Variants in GPM6A observed in about 807,000 individuals in gnomAD.
GPM6A encodes the protein glycoprotein M6A.
Under a neutral mutation model 32.1 loss-of-function variants are expected in GPM6A, and 7 were observed. The observed-to-expected ratio is 0.22, with a 90% CI of 0.12 to 0.41. The LOEUF (loss-of-function observed/expected upper bound fraction) is 0.41, where lower values mean the gene tolerates loss of function less well. Among genes scored for constraint, GPM6A ranks in the 10% least tolerant of loss-of-function variants. The pLI is 1.00. For missense variants in GPM6A, 235 were observed against 347.2 expected, an observed-to-expected ratio of 0.68 and a Z score of 2.57; for synonymous variants, 130 against 123.4, an observed-to-expected ratio of 1.05 and a Z score of -0.35.
chr4:175,864,095 A>G (rs1443758284), intron 1 of GPM6A, among the ~76,000 whole-genome samples: 4 of 152,212 alleles, frequency 2.6e-5, no homozygotes, highest in Non-Finnish European at 5.9e-5. Context: ...GTGGGTTTAC[A>G]GAGATACTCA....
chr4:175,724,013 T>A (rs1187582407), intron 1 of GPM6A, among the ~76,000 whole-genome samples: 1 of 152,160 alleles, frequency 6.6e-6, no homozygotes, highest in African/African-American at 2.4e-5. Flanking sequence ...TTCCTTCAGT[T>A]CCATGTTCAT....
At chr4:175,808,444 CTTTCA>C (rs915931305) in intron 1 of GPM6A, among the ~76,000 whole-genome samples, 5 of 152,134 alleles carry the variant, frequency 3.3e-5, no homozygotes, top group African/African-American at 1.2e-4. Context: ...GTACCCTCTC[CTTTCA>C]TTTATGTATT....
chr4:175,962,054 G>A (rs1283837584), intron 1 of GPM6A: 3 of 703,518 alleles, frequency 4.3e-6, no homozygotes, highest in Non-Finnish European at 8.0e-6. Context: ...AAATTTCTAG[G>A]GAACCAGATG....
At chr4:175,649,399 CTATT>C (rs1419533649) in intron 4 of GPM6A, among the ~76,000 whole-genome samples, 2 of 152,070 alleles carry the variant, frequency 1.3e-5, no homozygotes, top group Admixed American at 6.6e-5. Flanking sequence ...TTAAGAAGGT[CTATT>C]TATCTTTTAC....
At chr4:175,999,453 G>A (rs142783501) in intron 1 of GPM6A, among the ~76,000 whole-genome samples, 4 of 151,980 alleles carry the variant, frequency 2.6e-5, no homozygotes, top group African/African-American at 9.7e-5. Context: ...GAGAAGCCGA[G>A]GACATCAATG....
intron 1 of GPM6A, among the ~76,000 whole-genome samples, chr4:175,841,656 C>T (rs1322728243): frequency 6.6e-6 from 1 of 152,102 alleles, no homozygotes; most frequent in African/African-American, 2.4e-5. Flanking sequence ...TCAAATAAAA[C>T]ATTTTCAATA....
intron 1 of GPM6A, among the ~76,000 whole-genome samples, chr4:175,835,178 T>C (rs1273519928): frequency 2.0e-5 from 3 of 152,328 alleles, no homozygotes; most frequent in Admixed American, 2.0e-4. Flanking sequence ...ACCGTGCTTC[T>C]CCTTTGGACC....
At chr4:175,961,871 A>G (rs1740175654) in intron 1 of GPM6A, among the ~76,000 whole-genome samples, 1 of 152,190 alleles carries the variant, frequency 6.6e-6, no homozygotes, top group African/African-American at 2.4e-5. Context: ...CAGGGAAGGT[A>G]CCTGCAAAGT....
intron 6 of GPM6A, among the ~76,000 whole-genome samples, chr4:175,637,667 TATATATA>T (rs1560842655): frequency 3.8e-3 from 2 of 530 alleles, no homozygotes; most frequent in East Asian, 0.015. Flanking sequence ...AAATATATAA[TATATATA>T]ATATATATAT....
intron 1 of GPM6A, among the ~76,000 whole-genome samples, chr4:175,909,046 G>GGGGGGGGGGA: frequency 1.0e-5 from 1 of 98,582 alleles, no homozygotes; most frequent in Non-Finnish European, 1.9e-5. Context: ...AAAGGGCGGG[G>GGGGGGGGGGA]GGGGGGCAAC....
At chr4:175,788,887 A>C (rs1194189366) in intron 1 of GPM6A, among the ~76,000 whole-genome samples, 1 of 152,206 alleles carries the variant, frequency 6.6e-6, no homozygotes, top group Non-Finnish European at 1.5e-5. Flanking sequence ...AATAAATTAG[A>C]GCCATAGCTC....
In GPM6A at chr4:175,795,632, G is replaced by A. The variant is rs186382468; in HGVS notation, c.37+16559C>T. ...CTGGGCATGGTGGGACACACCTGTG[G>A]TCCCAGCTGGGAGGAGGCAGAGGTG... On this transcript the variant is annotated intron_variant, in intron 1 of 6. Coordinates refer to ENST00000393658, the MANE Select transcript of GPM6A (RefSeq NM_201591.3). Among the ~76,000 whole-genome samples the A allele has an allele frequency of 3.1e-3, 474 of 152,166 alleles. 1 individual carries two copies. The highest frequency in any genetic ancestry group is 6.8e-3 in the Middle Eastern group (2 of 294).
intron 1 of GPM6A, among the ~76,000 whole-genome samples, chr4:175,786,650 G>A (rs1394324317): frequency 6.6e-6 from 1 of 152,016 alleles, no homozygotes; most frequent in Non-Finnish European, 1.5e-5. Flanking sequence ...TTCTCCCTCA[G>A]AACTAATATG....
chr4:175,881,853 AG>A (rs201345103), intron 1 of GPM6A, among the ~76,000 whole-genome samples: 3 of 148,140 alleles, frequency 2.0e-5, no homozygotes, highest in African/African-American at 7.4e-5. Flanking sequence ...GGGTGGGAGG[AG>A]GGGGAGGGAT....
At chr4:175,838,794 C>A (rs1218863476) in intron 1 of GPM6A, among the ~76,000 whole-genome samples, 1 of 151,688 alleles carries the variant, frequency 6.6e-6, no homozygotes, top group African/African-American at 2.4e-5. Flanking sequence ...CCTGGGACTG[C>A]AGGCCCACAA....
At position 175,967,668 on chromosome 4, in the gene GPM6A, A is replaced by C. The variant is rs528897729; in HGVS notation, c.-23+34641T>G. ...TGAAATAAAAAACAAAATGTCATTT[A>C]CATTACCATTAGAGAAATGAAATAC... On this transcript the variant is annotated intron_variant, in intron 1 of 7. Transcript: ENST00000280187. 3.9e-5 allele frequency among the ~76,000 whole-genome samples: 6 copies of C among 152,334 alleles called. No individual in the cohort carries two copies. The South Asian group carries it at 1.2e-3, about 32-fold the overall frequency.
intron 3 of GPM6A, among the ~76,000 whole-genome samples, chr4:175,653,997 A>G (rs1230264669): frequency 3.9e-5 from 6 of 152,110 alleles, no homozygotes; most frequent in Admixed American, 3.9e-4. Context: ...AGCCTTCCCT[A>G]CCCTATCACA....
intron 1 of GPM6A, among the ~76,000 whole-genome samples, chr4:175,911,962 A>G (rs1282725842): frequency 6.6e-6 from 1 of 152,166 alleles, no homozygotes; most frequent in Non-Finnish European, 1.5e-5. Context: ...GGTCATTTTA[A>G]CACAACAAAC....
chr4:175,763,636 C>T (rs1732844727), intron 1 of GPM6A, among the ~76,000 whole-genome samples: 1 of 152,012 alleles, frequency 6.6e-6, no homozygotes, highest in African/African-American at 2.4e-5. Flanking sequence ...TAATAGTAGG[C>T]TCTTTACTTA....
Sources: gnomAD v4.1 joint callset for allele counts (sites outside exome capture counted in the v4.1 genomes callset) on GRCh38, gnomAD v4.1.1 for gene constraint, MANE v1.5 for transcripts, NCBI Gene and HGNC (gene_info 2026-07-23, HGNC 2026-07-21) for gene names.